The following CPXM2 variants were observed in gnomAD, a reference collection of about 807,000 sequenced individuals.
CPXM2 encodes the protein carboxypeptidase X, M14 family member 2, also known as inactive carboxypeptidase-like protein X2.
In CPXM2, 66 loss-of-function variants were observed where a neutral mutation model predicts 86.1. That is an observed-to-expected ratio of 0.77 (90% confidence interval 0.63 to 0.94). CPXM2 has a LOEUF of 0.94. Among genes scored for constraint, CPXM2 ranks in the 40% least tolerant of loss-of-function variants. The probability of loss-of-function intolerance (pLI) is 0.00; values close to 1 mark genes in which losing one functional copy is unlikely to be tolerated. For synonymous variants in CPXM2, 388 were observed against 400.2 expected (o/e 0.97, Z 0.36); for missense variants, 948 against 1,026.3 (o/e 0.92, Z 1.04).
chr10:123,787,708 A>G (rs1424014723), intron 6 of CPXM2, among the ~76,000 whole-genome samples: 1 of 152,038 alleles, frequency 6.6e-6, no homozygotes, highest in Non-Finnish European at 1.5e-5. Context: ...CTTGACTGAA[A>G]TGAGTAGGTG....
At chr10:123,873,234 C>A (rs79232254) in intron 2 of CPXM2, among the ~76,000 whole-genome samples, 2 of 147,138 alleles carry the variant, frequency 1.4e-5, no homozygotes, top group African/African-American at 5.1e-5. Context: ...ATTAACTATA[C>A]ACCTGTAGTC....
At chr10:123,749,095 C>T (rs1396243842) in intron 13 of CPXM2, among the ~76,000 whole-genome samples, 1 of 152,182 alleles carries the variant, frequency 6.6e-6, no homozygotes, top group Admixed American at 6.5e-5. Flanking sequence ...ATGTGGCTTA[C>T]TGGCCTGAGA....
chr10:123,929,097 T>G (rs551021005), intron 2 of CPXM2, among the ~76,000 whole-genome samples: 1 of 152,270 alleles, frequency 6.6e-6, no homozygotes, highest in East Asian at 1.9e-4. Flanking sequence ...CCAGGAGACA[T>G]CTGAGACCTT....
intron 2 of CPXM2, 66 bp downstream of exon 2, chr10:123,880,145 T>TTGGGGGGCCC: frequency 4.9e-6 from 2 of 407,580 alleles, no homozygotes; most frequent in Non-Finnish European, 9.6e-6. Context: ...CAGGGGCCTG[T>TTGGGGGGCCC]ACCCACCCAC....
intron 2 of CPXM2, among the ~76,000 whole-genome samples, chr10:123,925,818 T>G (rs1385647642): frequency 6.6e-6 from 1 of 152,212 alleles, no homozygotes; most frequent in Non-Finnish European, 1.5e-5. Flanking sequence ...GGCTCTGTTC[T>G]AGAAACAACA....
intron 4 of CPXM2, among the ~76,000 whole-genome samples, chr10:123,838,028 CCCTGCAGG>C (rs1848313590): frequency 6.6e-6 from 1 of 152,202 alleles, no homozygotes; most frequent in Non-Finnish European, 1.5e-5. Context: ...ACTGAAAGCT[CCCTGCAGG>C]CAGGGCCATT....
intron 2 of CPXM2, among the ~76,000 whole-genome samples, chr10:123,925,181 C>A (rs1424601225): frequency 2.0e-5 from 3 of 152,166 alleles, no homozygotes; most frequent in African/African-American, 7.2e-5. Context: ...CAATTTATGC[C>A]CTAAATCTGC....
intron 4 of CPXM2, among the ~76,000 whole-genome samples, chr10:123,832,916 G>A (rs113445638): frequency 2.5e-4 from 38 of 151,996 alleles, no homozygotes; most frequent in African/African-American, 8.7e-4. Flanking sequence ...GCGAGCACCT[G>A]AGCGTCTTTT....
chr10:123,774,089 G>C (rs1846722658), intron 7 of CPXM2, among the ~76,000 whole-genome samples: 1 of 152,210 alleles, frequency 6.6e-6, no homozygotes, highest in African/African-American at 2.4e-5. Context: ...ACCTGACCAT[G>C]CAGTAAGGGC....
chr10:123,931,094 T>C (rs1429140083), intron 2 of CPXM2, among the ~76,000 whole-genome samples: 1 of 152,136 alleles, frequency 6.6e-6, no homozygotes, highest in Non-Finnish European at 1.5e-5. Context: ...AAGGGGGGTC[T>C]AGAAAACTCA....
intron 2 of CPXM2, among the ~76,000 whole-genome samples, chr10:123,864,519 CTT>C (rs1368487653): frequency 2.6e-5 from 4 of 152,220 alleles, no homozygotes; most frequent in Admixed American, 2.0e-4. Flanking sequence ...CTGCTGCCAT[CTT>C]ATGAACCTAT....
At chr10:123,918,467 T>C (rs190809268) in intron 2 of CPXM2, among the ~76,000 whole-genome samples, 14 of 151,730 alleles carry the variant, frequency 9.2e-5, no homozygotes, top group African/African-American at 3.4e-4. Flanking sequence ...CTCGAAGAAA[T>C]ACAGATCCAG....
At position 123,899,043 on chromosome 10, in the gene CPXM2, C is replaced by A. The variant is rs531268407; in HGVS notation, n.175-18734G>T. Among the ~76,000 whole-genome samples, 13 of 152,344 alleles carry A rather than the reference C, an allele frequency of 8.5e-5. No individual in the cohort carries two copies. In the East Asian group the frequency reaches 1.5e-3, roughly 18 times the overall value. ...GGGATTACAGGCACCCGCCACCGCA[C>A]CCGGCCTGAAAGTTTCCTTTTACAG... On this transcript the variant is annotated intron_variant and non_coding_transcript_variant, in intron 2 of 19. Transcript: ENST00000368854.
chr10:123,916,075 G>A (rs1019213491), intron 2 of CPXM2, among the ~76,000 whole-genome samples: 2 of 151,986 alleles, frequency 1.3e-5, no homozygotes, highest in African/African-American at 4.8e-5. Flanking sequence ...GTTTGGTGCT[G>A]TACTTTATGC....
rs1480156938 is a variant in CPXM2 at position 123,767,120 on chromosome 10, G to C, written c.1332C>G (p.Arg444=). The change falls in exon 10 of 14, where the codon CGC becomes CGG. Residue 444 remains arginine, a synonymous_variant. Transcript: ENST00000241305. Reference sequence around the variant, plus strand: ...TGATGTCAATTCCATCGTGGGTCCAGCGTCCCAGGGACCAGCCTCCCAGCT... The same window carrying C: ...TGATGTCAATTCCATCGTGGGTCCACCGTCCCAGGGACCAGCCTCCCAGCT... ...GSELGGWSLG[R]WTHDGIDINN... is the part of the protein sequence containing the mutation. The C allele has an allele frequency of 6.2e-7, 1 of 1,614,054 alleles. No homozygotes were observed. Among genetic ancestry groups the C allele is most frequent in the Non-Finnish European group, 8.5e-7 (1 of 1,180,044 alleles).
chr10:123,878,995 A>G (rs909905252), intron 2 of CPXM2, among the ~76,000 whole-genome samples: 1 of 152,190 alleles, frequency 6.6e-6, no homozygotes, highest in South Asian at 2.1e-4. Context: ...CACAGTGTGC[A>G]CTGTGCAGAA....
chr10:123,855,690 G>A (rs187143541), intron 3 of CPXM2, among the ~76,000 whole-genome samples: 6 of 152,286 alleles, frequency 3.9e-5, no homozygotes, highest in East Asian at 1.9e-4. Flanking sequence ...GTCTTCATGC[G>A]GGGGTACAAA....
intron 4 of CPXM2, among the ~76,000 whole-genome samples, chr10:123,802,913 C>G (rs1349627854): frequency 6.6e-6 from 1 of 151,802 alleles, no homozygotes; most frequent in East Asian, 1.9e-4. Context: ...TAATGAAGTT[C>G]GATATTTTGT....
intron 2 of CPXM2, among the ~76,000 whole-genome samples, chr10:123,903,884 G>A (rs765034539): frequency 6.6e-6 from 1 of 152,222 alleles, no homozygotes; most frequent in Non-Finnish European, 1.5e-5. Context: ...AATAGGAGAT[G>A]TGCTGGGGGA....
Sources: allele counts gnomAD v4.1 joint callset (sites outside exome capture counted in the v4.1 genomes callset), GRCh38; gene constraint gnomAD v4.1.1; transcripts MANE v1.5; gene names NCBI Gene and HGNC (gene_info 2026-07-23, HGNC 2026-07-21).